DIO2: variants seen among roughly 807,000 people sequenced by gnomAD.
The protein encoded by DIO2 is iodothyronine deiodinase 2, also known as type II iodothyronine deiodinase.
In DIO2, 19 loss-of-function variants were observed where a neutral mutation model predicts 21.4. That is an observed-to-expected ratio of 0.89 (90% CI 0.62 to 1.30). The LOEUF (loss-of-function observed/expected upper bound fraction) is 1.30, where lower values mean the gene tolerates loss of function less well. Ranked by LOEUF, DIO2 falls within the 50% of genes most tolerant of loss-of-function variation. DIO2 has a pLI of 0.00. For synonymous variants in DIO2, 122 were observed against 132.9 expected (o/e 0.92, Z 0.57); for missense variants, 302 against 338.1 (o/e 0.89, Z 0.84).
At chr14:80,230,591 C>T (rs1179325226) in intron 2 of DIO2, among the ~76,000 whole-genome samples, 1 of 152,122 alleles carries the variant, frequency 6.6e-6, no homozygotes, top group Non-Finnish European at 1.5e-5. Context: ...TGTACAGAGT[C>T]ACTAAACTCC....
upstream of DIO2, among the ~76,000 whole-genome samples, chr14:80,212,398 GA>G (rs1478387763): frequency 2.0e-5 from 3 of 151,846 alleles, no homozygotes; most frequent in Admixed American, 2.0e-4. Flanking sequence ...TTTAAAGAGA[GA>G]AAAAAACTAA....
At position 80,202,989 on chromosome 14, in the gene DIO2, C is replaced by T. The variant is rs374704917; in HGVS notation, c.522G>A (p.Gly174=). 78 of 1,613,734 alleles carry T rather than the reference C, an allele frequency of 4.8e-5. No homozygotes were observed. Among genetic ancestry groups the T allele is most frequent in the Non-Finnish European group, 5.8e-5 (69 of 1,179,852 alleles). ...AHPSDGWAIP[G]DSSLSFEVKK... is the part of the protein sequence containing the mutation. ...TCACCTCAAAAGACAAAGAGGAGTCCCCCGGTATCGCCCAGCCATCTGATG... is the reference window on the plus strand; with the variant it reads ...TCACCTCAAAAGACAAAGAGGAGTCTCCCGGTATCGCCCAGCCATCTGATG... The change falls in exon 2 of 2, where the codon GGG becomes GGA. Residue 174 remains glycine, a synonymous_variant. Transcript: ENST00000438257.
intron 1 of DIO2, among the ~76,000 whole-genome samples, chr14:80,208,216 A>G (rs1367906094): frequency 6.6e-6 from 1 of 152,162 alleles, no homozygotes; most frequent in Non-Finnish European, 1.5e-5. Flanking sequence ...TTAAATAACA[A>G]ACACCTTTTA....
chr14:80,230,860 G>A (rs1416160181), intron 2 of DIO2: 1 of 152,192 alleles, frequency 6.6e-6, no homozygotes, highest in African/African-American at 2.4e-5. Flanking sequence ...TAGAGGGACA[G>A]AACTAATAGG....
chr14:80,225,173 T>C (rs1011899105), intron 2 of DIO2, among the ~76,000 whole-genome samples: 2 of 152,198 alleles, frequency 1.3e-5, no homozygotes, highest in Admixed American at 6.6e-5. Context: ...GGTAGCACCC[T>C]CACAGGCACA....
chr14:80,218,968 A>G (rs1253431931), intron 2 of DIO2, among the ~76,000 whole-genome samples: 2 of 152,026 alleles, frequency 1.3e-5, no homozygotes, highest in Non-Finnish European at 2.9e-5. Context: ...ACAGAGTGAG[A>G]CTCTGTCTCA....
chr14:80,205,524 T>C, intron 1 of DIO2: 1 of 1,068,726 alleles, frequency 9.4e-7, no homozygotes, highest in Non-Finnish European at 1.2e-6. Flanking sequence ...AGCAGACCTG[T>C]TGATCCTTTC....
At chr14:80,226,032 A>C (rs928153282) in intron 2 of DIO2, among the ~76,000 whole-genome samples, 2 of 152,076 alleles carry the variant, frequency 1.3e-5, no homozygotes, top group Admixed American at 1.3e-4. Context: ...AGGAAGCAAA[A>C]ATTTCGCTAG....
At chr14:80,203,763 C>T (rs1305688178) in intron 1 of DIO2, among the ~76,000 whole-genome samples, 1 of 152,202 alleles carries the variant, frequency 6.6e-6, no homozygotes, top group African/African-American at 2.4e-5. Context: ...CCTTCATTTT[C>T]TTGCATGATA....
At chr14:80,216,469 C>T (rs945055428), upstream of DIO2, among the ~76,000 whole-genome samples, 1 of 152,168 alleles carries the variant, frequency 6.6e-6, no homozygotes, top group Non-Finnish European at 1.5e-5. Context: ...CCAATCCCCT[C>T]TCCCCACTGC....
chr14:80,226,457 G>C (rs751387438), intron 2 of DIO2, among the ~76,000 whole-genome samples: 3 of 152,182 alleles, frequency 2.0e-5, no homozygotes, highest in African/African-American at 4.8e-5. Flanking sequence ...ATGCAGGATA[G>C]GCAAACTTGT....
chr14:80,229,384 T>C (rs986167585), intron 2 of DIO2, among the ~76,000 whole-genome samples: 3 of 152,186 alleles, frequency 2.0e-5, no homozygotes, highest in South Asian at 4.1e-4. Flanking sequence ...ATTATTCCCA[T>C]TGTACTTAAA....
intron 1 of DIO2, among the ~76,000 whole-genome samples, chr14:80,204,816 CT>C (rs1887884901): frequency 1.3e-5 from 2 of 152,108 alleles, no homozygotes; most frequent in Admixed American, 1.3e-4. Context: ...TAATGCATAA[CT>C]CATTTTAACT....
chr14:80,224,660 C>A (rs970555370), intron 2 of DIO2, among the ~76,000 whole-genome samples: 9 of 152,090 alleles, frequency 5.9e-5, no homozygotes, highest in African/African-American at 2.2e-4. Context: ...TTTAAGCCAA[C>A]CAATTTTTGA....
rs572801391 is a variant in DIO2 at position 80,197,702 on chromosome 14, A to G, written c.*4987T>C. On this transcript the variant is annotated 3_prime_UTR_variant, in exon 2 of 2. Transcript: ENST00000438257. Reference sequence around the variant, plus strand: ...ATATGCACGCGTGCATTCTCACCACATTTACCCAGGACTCTTAGCATCATG... The same window carrying G: ...ATATGCACGCGTGCATTCTCACCACGTTTACCCAGGACTCTTAGCATCATG... 1 of 152,706 alleles carries G rather than the reference A, an allele frequency of 6.5e-6. No homozygotes were observed. Among genetic ancestry groups the G allele is most frequent in the African/African-American group, 2.4e-5 (1 of 41,554 alleles). 9.5% of individuals were successfully genotyped at this position (152,706 alleles called of 1,614,324 possible). A position where few individuals can be genotyped will look rare whatever the true frequency, so the allele number is the denominator to read the frequency against.
upstream of DIO2, among the ~76,000 whole-genome samples, chr14:80,213,222 C>T (rs535278348): frequency 6.6e-6 from 1 of 152,258 alleles, no homozygotes; most frequent in African/African-American, 2.4e-5. Flanking sequence ...GGCATGACCC[C>T]CACTTTATTC....
At chr14:80,213,465 C>T (rs938955382), upstream of DIO2, among the ~76,000 whole-genome samples, 6 of 152,104 alleles carry the variant, frequency 3.9e-5, no homozygotes, top group Non-Finnish European at 5.9e-5. Flanking sequence ...ATTAATTTGT[C>T]GTCCTGTTAG....
intron 2 of DIO2, among the ~76,000 whole-genome samples, chr14:80,223,818 A>C (rs1888516461): frequency 6.6e-6 from 1 of 152,194 alleles, no homozygotes; most frequent in African/African-American, 2.4e-5. Flanking sequence ...GTTGTAGACA[A>C]AGTTAAATAA....
At chr14:80,226,282 A>C (rs1888574383) in intron 2 of DIO2, among the ~76,000 whole-genome samples, 2 of 152,204 alleles carry the variant, frequency 1.3e-5, no homozygotes, top group Non-Finnish European at 1.5e-5. Context: ...TCAGGATGAT[A>C]GAGAACATGG....
Sources: gnomAD v4.1 joint callset for allele counts (sites outside exome capture counted in the v4.1 genomes callset) on GRCh38, gnomAD v4.1.1 for gene constraint, MANE v1.5 for transcripts, NCBI Gene and HGNC (gene_info 2026-07-23, HGNC 2026-07-21) for gene names.